RNH1: variants seen among roughly 807,000 people sequenced by gnomAD.
RNH1 encodes ribonuclease/angiogenin inhibitor 1.
Under a neutral mutation model 46.1 loss-of-function variants are expected in RNH1, and 38 were observed. The observed-to-expected ratio is 0.82, with a 90% CI of 0.64 to 1.08. The LOEUF is 1.08. Ranked by LOEUF, RNH1 falls within the 50% of genes least tolerant of loss-of-function variation. RNH1 has a pLI of 0.00. For synonymous variants in RNH1, 319 were observed against 279.1 expected (o/e 1.14, Z -1.43); for missense variants, 577 against 590.7 (o/e 0.98, Z 0.24).
intron 9 of RNH1, among the ~76,000 whole-genome samples, chr11:496,824 CAA>C (rs1849109803): frequency 6.6e-6 from 1 of 152,218 alleles, no homozygotes; most frequent in South Asian, 2.1e-4. Context: ...ACAAAGAAAA[CAA>C]ATCTGGAAAA....
At chr11:499,740 C>G in intron 5 of RNH1, 89 bp downstream of exon 5, 1 of 1,514,270 alleles carries the variant, frequency 6.6e-7, no homozygotes. Flanking sequence ...CCCCTCCTCA[C>G]GGCTCCTGGC....
chr11:506,537 C>T (rs1054285149), intron 1 of RNH1: 1 of 152,244 alleles, frequency 6.6e-6, no homozygotes, highest in Non-Finnish European at 1.5e-5. Context: ...CCCCGGTGGT[C>T]CCGGAGCGAA....
In RNH1 at chr11:501,841, G is replaced by A. The variant is rs57939339; in HGVS notation, c.101+221C>T. 21,205 of 559,188 alleles carry A rather than the reference G, an allele frequency of 0.038. 984 individuals are homozygous for A. Among genetic ancestry groups the A allele is most frequent in the East Asian group, 0.16 (5,612 of 34,494 alleles). 34.6% of individuals were successfully genotyped at this position (559,188 alleles called of 1,614,324 possible). On this transcript the variant is annotated intron_variant, in intron 3 of 10. Transcript: ENST00000354420. The surrounding 1 kb of genome is among the most constrained non-coding windows in gnomAD (Gnocchi z 4.1). ...GGCCAGTGGCCGCCCACCTCGGCCC[G>A]CCCACCTCAGCCCATGCTGCATGAG...
chr11:496,584 G>A (rs887578776), intron 9 of RNH1, among the ~76,000 whole-genome samples: 83 of 152,188 alleles, frequency 5.5e-4, no homozygotes, highest in African/African-American at 1.9e-3. Flanking sequence ...CAGGAGAATG[G>A]CATGAACTTG....
Position 500,533 on chromosome 11 carries a change from A to G in RNH1, c.223T>C (p.Cys75Arg), listed in dbSNP as rs1450842203. Residue 75 changes from cysteine to arginine, a missense_variant, in exon 4 of 11, where the codon TGC (cysteine) becomes CGC (arginine). By Grantham distance (180) the Cys-to-Arg change is radical. Transcript: ENST00000354420. ...SNELGDVGVH[C>R]VLQGLQTPSC... ...GGGGTCTGCAGGCCCTGGAGCACGC[A>G]ATGCACGCCGACATCGCCCAGCTCG... The G allele has an allele frequency of 1.2e-6, 2 of 1,610,586 alleles. No individual in the cohort carries two copies. The highest frequency in any genetic ancestry group is 1.7e-6 in the Non-Finnish European group (2 of 1,179,994).
chr11:497,365 A>ATTCTTGCCCATGTGCTCACACACGGAC (rs1242193760), intron 9 of RNH1, among the ~76,000 whole-genome samples: 2 of 104,056 alleles, frequency 1.9e-5, no homozygotes, highest in Admixed American at 1.1e-4. Context: ...ACTCATGCTC[A>ATTCTTGCCCATGTGCTCACACACGGAC]CTCACCCATG....
At chr11:495,656 G>A (rs953199092) in intron 9 of RNH1, among the ~76,000 whole-genome samples, 1 of 152,204 alleles carries the variant, frequency 6.6e-6, no homozygotes, top group Non-Finnish European at 1.5e-5. Context: ...GAGTGGCTCA[G>A]GGGGAACAAG....
intron 8 of RNH1, 22 bp downstream of exon 8, chr11:498,435 C>G (rs1176729059): frequency 1.2e-6 from 2 of 1,609,672 alleles, no homozygotes; most frequent in Non-Finnish European, 1.7e-6. Context: ...CGACAGGGCC[C>G]TGCCCCGACA....
chr11:497,834 C>T (rs2133885128), intron 9 of RNH1, 137 bp downstream of exon 9: 3 of 1,053,956 alleles, frequency 2.8e-6, no homozygotes, highest in Non-Finnish European at 4.1e-6. Context: ...CACGTGCTCA[C>T]ACTCGCCTCA....
At chr11:504,013 G>A (rs1849993298) in intron 2 of RNH1, among the ~76,000 whole-genome samples, 1 of 152,214 alleles carries the variant, frequency 6.6e-6, no homozygotes, top group South Asian at 2.1e-4. Context: ...ACCACCAGCT[G>A]GCAGCCTGCT....
At chr11:495,166 G>C in intron 9 of RNH1, 113 bp from the exon 10 acceptor site, 1 of 1,114,592 alleles carries the variant, frequency 9.0e-7, no homozygotes. Context: ...GGCAACTCAG[G>C]ACCCTCAGGT....
chr11:498,844 CCCAGGGCCAG>C lies in RNH1; in HGVS notation c.694_703del (p.Leu232AlafsTer52). 6.2e-7 allele frequency: 1 copy of C among 1,611,228 alleles called. No individual in the cohort carries two copies. Among genetic ancestry groups the C allele is most frequent in the African/African-American group, 1.3e-5 (1 of 75,064 alleles). ...GCCCACATCACCCAGCTTGTTGCTG[CCCAGGGCCAG>C]CTCCCGCAGCGAGGCCTTGGAGGCC... On this transcript the variant is annotated frameshift_variant, in exon 7 of 11. Coordinates refer to ENST00000354420, the MANE Select transcript of RNH1 (RefSeq NM_203387.3). LOFTEE classifies it high-confidence loss of function.
rs1408508210 is a variant in RNH1 at position 502,599 on chromosome 11, G to A, written c.-87-350C>T. ...CTGTGAGCCTGGAGGCCCCAGCAGG[G>A]GAGCAAGGGGGTCTGTGGGCTTGAC... On this transcript the variant is annotated intron_variant, in intron 2 of 10. Transcript: ENST00000354420. This position sits in a 1 kb window ranked among gnomAD's most constrained non-coding sequence, Gnocchi z 5.8. The A allele has an allele frequency of 1.3e-5, 3 of 225,652 alleles. No homozygotes were observed. Among genetic ancestry groups the A allele is most frequent in the Non-Finnish European group, 2.7e-5 (3 of 110,152 alleles). The allele number at this position is 225,652 out of a possible 1,614,324, so 14.0% of individuals were successfully genotyped here.
In RNH1 at chr11:498,216, A is replaced by T; in HGVS notation, c.957-75T>A. ...CAGCTGCGACTGGCCCTTCCCCTGA[A>T]GGCCCCACGTGGACCTGAGCAAAAA... On this transcript the variant is annotated intron_variant, in intron 8 of 10. Transcript: ENST00000354420. 2.0e-6 allele frequency: 3 copies of T among 1,499,054 alleles called. No individual in the cohort carries two copies. The East Asian group carries it at 7.1e-5, about 35-fold the overall frequency. The allele number at this position is 1,499,054 out of a possible 1,614,324, so 92.9% of individuals were successfully genotyped here. A position where few individuals can be genotyped will look rare whatever the true frequency, so the allele number is the denominator to read the frequency against.
chr11:500,198 G>A (rs992368187), intron 4 of RNH1, 199 bp from the exon 5 acceptor site: 3 of 688,092 alleles, frequency 4.4e-6, no homozygotes, highest in Non-Finnish European at 7.2e-6. Flanking sequence ...GGGAAACCTT[G>A]TCTGCAGACA....
rs748839822 is a variant in RNH1 at position 494,764 on chromosome 11, T to C, written c.1313A>G (p.Tyr438Cys). The change falls in exon 11 of 11, where the codon TAC becomes TGC. Residue 438 changes from tyrosine to cysteine, a missense_variant. Physicochemically the swap from Tyr to Cys is radical, Grantham distance 194. Coordinates refer to ENST00000354420, the MANE Select transcript of RNH1 (RefSeq NM_203387.3). ...LLEQLVLYDI[Y>C]WSEEMEDRLQ... is the part of the protein sequence containing the mutation. ...CCGGTCCTCCATCTCCTCAGACCAG[T>C]AAATGTCGTACAGGCTGCACACAGG... The C allele has an allele frequency of 2.5e-6, 4 of 1,613,764 alleles. No individual in the cohort carries two copies. The African/African-American group carries it at 5.3e-5, about 22-fold the overall frequency.
intron 4 of RNH1, 170 bp downstream of exon 4, chr11:500,314 C>G (rs183171042): frequency 3.7e-5 from 31 of 829,360 alleles, no homozygotes; most frequent in Admixed American, 1.6e-4. Context: ...CCCTGTCCCC[C>G]CCGCTGTGAG....
intron 5 of RNH1, 69 bp from the exon 6 acceptor site, chr11:499,254 C>A: frequency 6.4e-7 from 1 of 1,553,140 alleles, no homozygotes; most frequent in Non-Finnish European, 8.8e-7. Flanking sequence ...CCAGGGAGCA[C>A]GGGGTGTGCT....
chr11:498,284 T>G (rs1849361581), intron 8 of RNH1, 143 bp from the exon 9 acceptor site: 2 of 1,253,674 alleles, frequency 1.6e-6, no homozygotes, highest in Non-Finnish European at 2.2e-6. Context: ...CACCTGGTCC[T>G]TGGCCCCAAG....
Sources: gnomAD v4.1 joint callset for allele counts (sites outside exome capture counted in the v4.1 genomes callset) on GRCh38, gnomAD v4.1.1 for gene constraint, Gnocchi (gnomAD v3.1) non-coding constraint, MANE v1.5 for transcripts, NCBI Gene and HGNC (gene_info 2026-07-23, HGNC 2026-07-21) for gene names.